The following PCDHA8 variants were observed in gnomAD, a reference collection of about 807,000 sequenced individuals.
PCDHA8 encodes protocadherin alpha 8, also known as protocadherin alpha-8.
A neutral mutation model predicts 61.8 loss-of-function variants in PCDHA8; 53 were observed. The observed-to-expected ratio is 0.86, with a 90% CI of 0.69 to 1.08. PCDHA8 has a LOEUF of 1.08. PCDHA8 is among the 50% of genes least tolerant of loss of function. The pLI is 0.00. For synonymous variants in PCDHA8, 618 were observed against 556.6 expected, an observed-to-expected ratio of 1.11 and a Z score of -1.55; for missense variants, 1,293 against 1,245.0, an observed-to-expected ratio of 1.04 and a Z score of -0.58.
chr5:140,871,413 C>A (rs2053063966), intron 1 of PCDHA8: 1 of 1,614,002 alleles, frequency 6.2e-7, no homozygotes, highest in East Asian at 2.2e-5. Flanking sequence ...ACCTCATGGC[C>A]TTCAGCCCCA....
intron 1 of PCDHA8, among the ~76,000 whole-genome samples, chr5:140,917,447 A>T (rs155358): frequency 0.58 from 87,947 of 151,944 alleles, 26,404 homozygotes; most frequent in African/African-American, 0.75. Flanking sequence ...TTGCTGCAAG[A>T]GCGTTTGGCA....
At chr5:140,997,762 A>G (rs2097784598) in intron 3 of PCDHA8, among the ~76,000 whole-genome samples, 1 of 152,118 alleles carries the variant, frequency 6.6e-6, no homozygotes, top group Non-Finnish European at 1.5e-5. Context: ...GAGTAAGGAT[A>G]TAGCACTATG....
At chr5:140,911,909 C>G (rs113000456) in intron 1 of PCDHA8, among the ~76,000 whole-genome samples, 17,713 of 152,106 alleles carry the variant, frequency 0.12, 1,155 homozygotes, top group Middle Eastern at 0.19. Flanking sequence ...TCAGAGCTCT[C>G]TAGAGGACAG....
In PCDHA8 at chr5:141,010,428, A is replaced by G. The variant is rs2098417264; in HGVS notation, c.*491A>G. The G allele has an allele frequency of 9.2e-7, 1 of 1,087,372 alleles. No individual in the cohort carries two copies. Among genetic ancestry groups the G allele is most frequent in the East Asian group, 2.6e-5 (1 of 38,240 alleles). 67.4% of individuals were successfully genotyped at this position (1,087,372 alleles called of 1,614,324 possible). ...GACTAATTGGTACAAGGAAGGCAAG[A>G]AAACAAAGACAAATAAACAGCGGAA... On this transcript the variant is annotated 3_prime_UTR_variant, in exon 4 of 4. Transcript: ENST00000531613.
chr5:140,855,100 C>G (rs1054682058), intron 1 of PCDHA8, among the ~76,000 whole-genome samples: 2 of 149,782 alleles, frequency 1.3e-5, no homozygotes, highest in Non-Finnish European at 3.0e-5. Flanking sequence ...TGTGCAGTAG[C>G]AATAATTAAG....
intron 3 of PCDHA8, among the ~76,000 whole-genome samples, chr5:141,008,010 T>C (rs2098356270): frequency 6.6e-6 from 1 of 152,214 alleles, no homozygotes; most frequent in African/African-American, 2.4e-5. Context: ...TAAACTTCTG[T>C]TTCCTTTTTT....
chr5:141,008,838 G>A (rs555239899), intron 3 of PCDHA8, among the ~76,000 whole-genome samples: 2 of 152,192 alleles, frequency 1.3e-5, no homozygotes, highest in South Asian at 2.1e-4. Context: ...ATCCTCTTAC[G>A]CTGTGTATTC....
At chr5:140,872,588 C>G (rs995645358) in intron 1 of PCDHA8, among the ~76,000 whole-genome samples, 4 of 151,876 alleles carry the variant, frequency 2.6e-5, no homozygotes, top group African/African-American at 2.4e-5. Context: ...CATCGTGAGA[C>G]CCCCATCTGA....
chr5:140,920,029 T>G (rs1584162393), intron 1 of PCDHA8, among the ~76,000 whole-genome samples: 1 of 152,118 alleles, frequency 6.6e-6, no homozygotes, highest in African/African-American at 2.4e-5. Flanking sequence ...GAGACAGAGA[T>G]TGGAGTGATG....
At position 140,869,042 on chromosome 5, in the gene PCDHA8, A is replaced by G. The variant is rs74567119; in HGVS notation, c.2394+25327A>G. On this transcript the variant is annotated intron_variant, in intron 1 of 3. Transcript: ENST00000531613. The stretch of plus-strand genomic sequence containing the variant: ...GAATTCAACGAGATTTTTAACCTGA[A>G]ACTGAAGAATCTGGTACTGTAAGTG... The G allele has an allele frequency of 9.2e-4, 1,413 of 1,529,994 alleles. 13 individuals are homozygous for G. The African/African-American group carries it at 0.016, about 18-fold the overall frequency. The allele number at this position is 1,529,994 out of a possible 1,614,324, so 94.8% of individuals were successfully genotyped here.
chr5:140,914,377 G>C (rs2076685968), intron 1 of PCDHA8, among the ~76,000 whole-genome samples: 1 of 152,090 alleles, frequency 6.6e-6, no homozygotes, highest in Non-Finnish European at 1.5e-5. Flanking sequence ...TATTTTATCT[G>C]TTATAAGTGT....
intron 1 of PCDHA8, chr5:140,928,710 T>C (rs1370353227): frequency 3.7e-6 from 6 of 1,614,192 alleles, no homozygotes; most frequent in Non-Finnish European, 5.1e-6. Context: ...CGTCTGACTC[T>C]AGTCTCTTTA....
At chr5:140,884,622 GAAC>G (rs1562808706) in intron 1 of PCDHA8, 7 of 1,613,830 alleles carry the variant, frequency 4.3e-6, no homozygotes, top group Non-Finnish European at 5.9e-6. Flanking sequence ...TCTGCAGAGG[GAAC>G]AGGCCAGAGG....
intron 1 of PCDHA8, chr5:140,859,217 C>A (rs1409192343): frequency 1.3e-5 from 2 of 149,754 alleles, no homozygotes; most frequent in Non-Finnish European, 3.0e-5. Context: ...AGCTCTTTCA[C>A]TTTAAGGAAG....
At chr5:140,938,930 A>T (rs2092272913) in intron 1 of PCDHA8, among the ~76,000 whole-genome samples, 1 of 152,066 alleles carries the variant, frequency 6.6e-6, no homozygotes, top group African/African-American at 2.4e-5. Flanking sequence ...ATTGGCTTTT[A>T]ACTTTCCATT....
intron 1 of PCDHA8, among the ~76,000 whole-genome samples, chr5:140,949,674 C>G (rs2153687219): frequency 6.6e-6 from 1 of 151,738 alleles, no homozygotes; most frequent in South Asian, 2.1e-4. Context: ...AAAGTATGCC[C>G]TTGTTGAAGC....
Position 140,920,894 on chromosome 5 carries a change from T to G in PCDHA8, c.2395-58055T>G, listed in dbSNP as rs114918834. Among the ~76,000 whole-genome samples the G allele has an allele frequency of 2.6e-3, 390 of 151,496 alleles. 2 individuals carry two copies. The highest frequency in any genetic ancestry group is 9.2e-3 in the African/African-American group (379 of 41,284). Reference sequence around the variant, plus strand: ...GTGGCCCTTAGAACTTAAAGTCATATTTTGGTTCTCAAATCAGTTCCAAGA... The same window carrying G: ...GTGGCCCTTAGAACTTAAAGTCATAGTTTGGTTCTCAAATCAGTTCCAAGA... On this transcript the variant is annotated intron_variant, in intron 1 of 3. Coordinates refer to ENST00000531613, the MANE Select transcript of PCDHA8 (RefSeq NM_018911.3).
Position 140,847,412 on chromosome 5 carries a change from C to T in PCDHA8, c.2394+3697C>T, listed in dbSNP as rs1554141782. On this transcript the variant is annotated intron_variant, in intron 1 of 3. Coordinates refer to ENST00000531613, the MANE Select transcript of PCDHA8 (RefSeq NM_018911.3). ...ACATTAATGGCACAATAAACACTCA[C>T]GGTTTTGCCTTTAGACTTGAGATAC... 2 of 149,550 alleles carry T rather than the reference C, an allele frequency of 1.3e-5. 1 individual carries two copies. Among genetic ancestry groups the T allele is most frequent in the Non-Finnish European group, 3.0e-5 (2 of 66,894 alleles). 9.3% of individuals were successfully genotyped at this position (149,550 alleles called of 1,614,324 possible). A position where few individuals can be genotyped will look rare whatever the true frequency, so the allele number is the denominator to read the frequency against.
chr5:140,886,603 G>A lies in PCDHA8; in HGVS notation c.2394+42888G>A, dbSNP rs781862855. Among the ~76,000 whole-genome samples, 8 of 152,090 alleles carry A rather than the reference G, an allele frequency of 5.3e-5. No individual in the cohort carries two copies. The East Asian group carries it at 1.2e-3, about 22-fold the overall frequency. ...AGCACTTTGGGAGGCCAAGGTGGGCGGATCAGGAGATCAGGAGTCCGAGAC... is the reference window on the plus strand; with the variant it reads ...AGCACTTTGGGAGGCCAAGGTGGGCAGATCAGGAGATCAGGAGTCCGAGAC... On this transcript the variant is annotated intron_variant, in intron 1 of 3. Coordinates refer to ENST00000531613, the MANE Select transcript of PCDHA8 (RefSeq NM_018911.3).
Sources: allele counts gnomAD v4.1 joint callset (sites outside exome capture counted in the v4.1 genomes callset), GRCh38; gene constraint gnomAD v4.1.1; transcripts MANE v1.5; gene names NCBI Gene and HGNC (gene_info 2026-07-23, HGNC 2026-07-21).